TMCO4: variants seen among roughly 807,000 people sequenced by gnomAD.
The protein encoded by TMCO4 is transmembrane and coiled-coil domain-containing protein 4.
TMCO4 carries 58 observed loss-of-function variants against 64.7 expected under a neutral mutation model. That is an observed-to-expected ratio of 0.90 (90% CI 0.73 to 1.12). TMCO4 has a LOEUF of 1.12. Ranked by LOEUF, TMCO4 falls within the 50% of genes most tolerant of loss-of-function variation. TMCO4 has a pLI of 0.00. For synonymous variants in TMCO4, 325 were observed against 346.1 expected (o/e 0.94, Z 0.68); for missense variants, 780 against 825.9 (o/e 0.94, Z 0.68).
chr1:19,749,663 G>A (rs577569890), intron 7 of TMCO4, among the ~76,000 whole-genome samples: 28 of 152,108 alleles, frequency 1.8e-4, no homozygotes, highest in South Asian at 6.2e-4. Flanking sequence ...CCACCGTGCC[G>A]GGACAACTGG....
Position 19,682,816 on chromosome 1 carries a change from T to G in TMCO4, c.*224A>C. ...CTCTGATGAGGGGGCAGCTGCTCCC[T>G]GGTGGGGCTCCTCTGGGGACAGGCA... On this transcript the variant is annotated 3_prime_UTR_variant, in exon 16 of 16. Coordinates refer to ENST00000294543, the MANE Select transcript of TMCO4 (RefSeq NM_181719.7). The G allele has an allele frequency of 1.4e-6, 1 of 732,426 alleles. No individual in the cohort carries two copies. The highest frequency in any genetic ancestry group is 1.5e-5 in the South Asian group (1 of 65,968). The allele number at this position is 732,426 out of a possible 1,614,324, so 45.4% of individuals were successfully genotyped here.
At chr1:19,692,615 C>T (rs2095205160) in intron 15 of TMCO4, among the ~76,000 whole-genome samples, 1 of 149,418 alleles carries the variant, frequency 6.7e-6, no homozygotes. Context: ...GGCGTGGTGG[C>T]AGGCGCCTAT....
chr1:19,788,591 C>A (rs1280130766), intron 2 of TMCO4, among the ~76,000 whole-genome samples: 2 of 152,168 alleles, frequency 1.3e-5, no homozygotes, highest in Non-Finnish European at 2.9e-5. Flanking sequence ...ACATGCTGCA[C>A]TGGTGACAAT....
At chr1:19,753,815 C>T (rs543651658) in intron 7 of TMCO4, among the ~76,000 whole-genome samples, 5 of 152,098 alleles carry the variant, frequency 3.3e-5, no homozygotes, top group South Asian at 2.1e-4. Flanking sequence ...GAGTCCCTAA[C>T]GCTGCATAAA....
At chr1:19,702,029 G>A (rs1457543424) in intron 13 of TMCO4, among the ~76,000 whole-genome samples, 1 of 152,054 alleles carries the variant, frequency 6.6e-6, no homozygotes, top group African/African-American at 2.4e-5. Flanking sequence ...GAGTGCAGTG[G>A]CGCAATCTCG....
chr1:19,755,864 T>C, intron 6 of TMCO4, 98 bp from the exon 7 acceptor site: 1 of 1,416,170 alleles, frequency 7.1e-7, no homozygotes, highest in Non-Finnish European at 9.8e-7. Context: ...AGAAACAGCC[T>C]AAATGTACAA....
chr1:19,745,394 T>C, intron 10 of TMCO4, 138 bp downstream of exon 10: 1 of 1,388,010 alleles, frequency 7.2e-7, no homozygotes, highest in African/African-American at 1.4e-5. Context: ...TTGCCTCACC[T>C]CTCTGAGCCT....
At chr1:19,761,105 T>A (rs894529853) in intron 6 of TMCO4, among the ~76,000 whole-genome samples, 3 of 152,166 alleles carry the variant, frequency 2.0e-5, no homozygotes, top group African/African-American at 4.8e-5. Flanking sequence ...AGAAACTCCA[T>A]CTTCTCAAAG....
At position 19,694,502 on chromosome 1, in the gene TMCO4, G is replaced by A. The variant is rs1010188927; in HGVS notation, c.1432C>T (p.Arg478Cys). 6 of 1,613,964 alleles carry A rather than the reference G, an allele frequency of 3.7e-6. No individual in the cohort carries two copies. The highest frequency in any genetic ancestry group is 1.3e-5 in the African/African-American group (1 of 74,934). ...FVYRTSSVQL[R>C]VAGLQPVLLQ... is the part of the protein sequence containing the mutation. ...AGCACGGGCTGTAGGCCGGCGACAC[G>A]GAGCTGCACCGAGGATGTGCGGTAC... Residue 478 changes from arginine to cysteine, a missense_variant, in exon 15 of 16, where the codon CGT (arginine) becomes TGT (cysteine). Arg to Cys is a radical substitution (Grantham distance 180). Transcript: ENST00000294543.
intron 15 of TMCO4, 25 bp from the exon 16 acceptor site, chr1:19,683,469 C>A (rs1392889089): frequency 1.2e-6 from 2 of 1,609,884 alleles, no homozygotes; most frequent in Admixed American, 3.3e-5. Flanking sequence ...GAGTGAGCAC[C>A]ACCGTGGGTG....
intron 13 of TMCO4, among the ~76,000 whole-genome samples, chr1:19,714,149 G>A (rs781616006): frequency 2.0e-4 from 31 of 152,156 alleles, no homozygotes; most frequent in Non-Finnish European, 4.0e-4. Flanking sequence ...GTTGGCCAGC[G>A]TGGTCTCAAA....
intron 6 of TMCO4, among the ~76,000 whole-genome samples, chr1:19,757,159 C>CG (rs113533292): frequency 0.26 from 35,643 of 135,196 alleles, 5,382 homozygotes; most frequent in South Asian, 0.38. Context: ...GGCGTGGTGG[C>CG]GGGGGGGGGC....
intron 13 of TMCO4, among the ~76,000 whole-genome samples, chr1:19,733,755 C>T (rs958366868): frequency 3.9e-5 from 6 of 152,066 alleles, no homozygotes; most frequent in Non-Finnish European, 4.4e-5. Flanking sequence ...GACAGGCCAG[C>T]GCTGGGAAAG....
At chr1:19,740,275 T>C (rs994713436) in intron 11 of TMCO4, among the ~76,000 whole-genome samples, 2 of 152,126 alleles carry the variant, frequency 1.3e-5, no homozygotes, top group African/African-American at 4.8e-5. Context: ...GACTCAGCCA[T>C]GTGACTTGCT....
Position 19,732,971 on chromosome 1 carries a change from T to A in TMCO4, c.1264+4401A>T, listed in dbSNP as rs899184159. Reference sequence around the variant, plus strand: ...CTGACTACCTACTCATCTGTCAATATAGAAGTTTTCTAGGCCGGGCACGGT... The same window carrying A: ...CTGACTACCTACTCATCTGTCAATAAAGAAGTTTTCTAGGCCGGGCACGGT... On this transcript the variant is annotated intron_variant, in intron 13 of 15. Transcript: ENST00000294543. This position sits in a 1 kb window ranked among gnomAD's most constrained non-coding sequence, Gnocchi z 4.8. Among the ~76,000 whole-genome samples the A allele has an allele frequency of 6.6e-6, 1 of 151,852 alleles. No individual in the cohort carries two copies. Among genetic ancestry groups the A allele is most frequent in the Non-Finnish European group, 1.5e-5 (1 of 67,926 alleles).
intron 2 of TMCO4, among the ~76,000 whole-genome samples, chr1:19,795,399 G>A (rs2101158690): frequency 6.6e-6 from 1 of 152,274 alleles, no homozygotes; most frequent in Admixed American, 6.5e-5. Context: ...TTGAATCCAG[G>A]AGGCGGAGGT....
At chr1:19,790,360 C>T (rs2043969615) in intron 2 of TMCO4, among the ~76,000 whole-genome samples, 1 of 152,108 alleles carries the variant, frequency 6.6e-6, no homozygotes, top group Non-Finnish European at 1.5e-5. Context: ...GCAAAAGAAA[C>T]TATCATCAGA....
At position 19,683,042 on chromosome 1, in the gene TMCO4, A is replaced by G; in HGVS notation, c.1903T>C (p.Ter635ArgextTer6). 6.4e-7 allele frequency: 1 copy of G among 1,561,296 alleles called. No homozygotes were observed. ...KTQGPSTGLD[*>R] ...ACGGCTCAGGTCCCCTGCTGTGGTC[A>G]GTCCAGCCCCGTGCTGGGGCCCTGG... The change falls in exon 16 of 16, where the codon TGA becomes CGA. Residue 635 changes from the stop codon to arginine (R), a stop_lost. Transcript: ENST00000294543.
At chr1:19,765,469 C>T (rs1266448) in intron 6 of TMCO4, among the ~76,000 whole-genome samples, 92,433 of 151,766 alleles carry the variant, frequency 0.61, 29,567 homozygotes, top group African/African-American at 0.82. Context: ...GGAGCCATTT[C>T]TGGTTATCGC....
Sources: allele counts gnomAD v4.1 joint callset (sites outside exome capture counted in the v4.1 genomes callset), GRCh38; gene constraint gnomAD v4.1.1; non-coding constraint Gnocchi (gnomAD v3.1); transcripts MANE v1.5; gene names NCBI Gene and HGNC (gene_info 2026-07-23, HGNC 2026-07-21).